Variants in MAGI2 observed in about 807,000 individuals in gnomAD.
MAGI2 encodes the protein membrane associated guanylate kinase, WW and PDZ domain containing 2.
In MAGI2, 35 loss-of-function variants were observed where a neutral mutation model predicts 133.3. The ratio of observed to expected loss-of-function variants is 0.26; its 90% confidence interval spans 0.20 to 0.35. MAGI2 has a LOEUF of 0.35. Among genes scored for constraint, MAGI2 ranks in the 10% least tolerant of loss-of-function variants. The pLI, the probability that MAGI2 is intolerant of heterozygous loss-of-function variation, is 1.00. For synonymous variants in MAGI2, 729 were observed against 710.6 expected (o/e 1.03, Z -0.41); for missense variants, 1,636 against 1,863.4 (o/e 0.88, Z 2.25).
At chr7:78,109,956 G>A (rs35158792) in intron 20 of MAGI2, among the ~76,000 whole-genome samples, 18,866 of 152,098 alleles carry the variant, frequency 0.12, 1,370 homozygotes, top group South Asian at 0.19. Context: ...ACAGACTGAA[G>A]CAAGGTGTAC....
chr7:79,103,657 T>C (rs1392909853), intron 1 of MAGI2, among the ~76,000 whole-genome samples: 3 of 152,094 alleles, frequency 2.0e-5, no homozygotes, highest in African/African-American at 4.8e-5. Context: ...ACCAGGACTT[T>C]CTAGAAAGCT....
chr7:78,281,498 T>C (rs767184395), intron 9 of MAGI2, among the ~76,000 whole-genome samples: 3 of 152,276 alleles, frequency 2.0e-5, no homozygotes, highest in Non-Finnish European at 2.9e-5. Flanking sequence ...CTTCCTCTTA[T>C]CCTTCCACCA....
In MAGI2 at chr7:78,332,902, T is replaced by A. The variant is rs556142534; in HGVS notation, c.1408+10876A>T. On this transcript the variant is annotated intron_variant, in intron 9 of 21. Coordinates refer to ENST00000354212, the MANE Select transcript of MAGI2 (RefSeq NM_012301.4). ...GAGTAAATATATTGATGGGCTAAGT[T>A]TATTTCTTTTCTACTGGAAGATACT... is the stretch of plus-strand genomic sequence containing the variant. Among the ~76,000 whole-genome samples the A allele has an allele frequency of 7.0e-4, 107 of 152,262 alleles. 1 individual carries two copies. The highest frequency in any genetic ancestry group is 2.5e-3 in the African/African-American group (105 of 41,562).
chr7:78,860,353 GGTT>G (rs1220957324), intron 2 of MAGI2, among the ~76,000 whole-genome samples: 1 of 152,118 alleles, frequency 6.6e-6, no homozygotes, highest in East Asian at 1.9e-4. Context: ...TTTCTGCTCT[GGTT>G]TATCCCCATC....
chr7:79,431,143 T>A (rs1323130123), intron 1 of MAGI2, among the ~76,000 whole-genome samples: 1 of 152,174 alleles, frequency 6.6e-6, no homozygotes, highest in Non-Finnish European at 1.5e-5. Context: ...TAATACTAAA[T>A]ATAAGCTCCA....
At chr7:78,497,158 T>G (rs779765812) in intron 5 of MAGI2, among the ~76,000 whole-genome samples, 27 of 152,162 alleles carry the variant, frequency 1.8e-4, no homozygotes, top group Non-Finnish European at 3.7e-4. Context: ...TCAAAGATAA[T>G]GTTAATGAAG....
intron 7 of MAGI2, among the ~76,000 whole-genome samples, chr7:78,354,686 A>G (rs753778076): frequency 6.6e-6 from 1 of 152,216 alleles, no homozygotes; most frequent in African/African-American, 2.4e-5. Flanking sequence ...TTATGACCAC[A>G]TAGAGCAGGA....
intron 10 of MAGI2, among the ~76,000 whole-genome samples, chr7:78,202,437 C>A (rs1344234392): frequency 6.6e-6 from 1 of 152,058 alleles, no homozygotes. Context: ...AATTCCAGCA[C>A]TTTGGGAGGC....
intron 2 of MAGI2, among the ~76,000 whole-genome samples, chr7:78,846,725 A>AT (rs1287275039): frequency 1.3e-5 from 2 of 151,982 alleles, no homozygotes; most frequent in African/African-American, 4.8e-5. Flanking sequence ...TTTAGATATA[A>AT]TTTACAAGAT....
chr7:78,304,099 T>C (rs1292791238), intron 9 of MAGI2, among the ~76,000 whole-genome samples: 4 of 152,182 alleles, frequency 2.6e-5, no homozygotes, highest in Non-Finnish European at 5.9e-5. Flanking sequence ...TTAGCAAATA[T>C]TGTCAATTTT....
intron 1 of MAGI2, among the ~76,000 whole-genome samples, chr7:79,019,708 C>A (rs545012505): frequency 6.6e-6 from 1 of 152,044 alleles, no homozygotes; most frequent in Non-Finnish European, 1.5e-5. Context: ...CTATGCCTGG[C>A]TAATTTTTGT....
chr7:79,058,601 G>C (rs903261470), intron 1 of MAGI2, among the ~76,000 whole-genome samples: 1 of 152,024 alleles, frequency 6.6e-6, no homozygotes, highest in Admixed American at 6.6e-5. Flanking sequence ...ATATATTATA[G>C]TTTTGTTATT....
chr7:79,253,745 A>T (rs1226595734), intron 1 of MAGI2, among the ~76,000 whole-genome samples: 1 of 152,082 alleles, frequency 6.6e-6, no homozygotes, highest in Non-Finnish European at 1.5e-5. Context: ...GTAAAAATTT[A>T]AAAATCCTCT....
intron 9 of MAGI2, among the ~76,000 whole-genome samples, chr7:78,312,120 G>A (rs1355407043): frequency 1.3e-5 from 2 of 152,100 alleles, no homozygotes; most frequent in East Asian, 3.9e-4. Context: ...ATCTAAATAC[G>A]ATTTTACATG....
chr7:78,748,285 T>A (rs993657211), intron 2 of MAGI2, among the ~76,000 whole-genome samples: 2 of 152,196 alleles, frequency 1.3e-5, no homozygotes, highest in African/African-American at 4.8e-5. Flanking sequence ...TTTAGTTTGG[T>A]AATTGGCCAT....
At chr7:79,211,195 A>G (rs1585210363) in intron 1 of MAGI2, among the ~76,000 whole-genome samples, 1 of 152,220 alleles carries the variant, frequency 6.6e-6, no homozygotes, top group Non-Finnish European at 1.5e-5. Flanking sequence ...GAATATATCT[A>G]TATGTATATC....
At chr7:79,330,180 C>CGT (rs1839963495) in intron 1 of MAGI2, among the ~76,000 whole-genome samples, 1 of 59,126 alleles carries the variant, frequency 1.7e-5, no homozygotes, top group Non-Finnish European at 2.8e-5. Context: ...CAATCTGCAT[C>CGT]TTTTTTTTTT....
intron 1 of MAGI2, among the ~76,000 whole-genome samples, chr7:79,318,342 G>T (rs1838903816): frequency 6.6e-6 from 1 of 152,058 alleles, no homozygotes; most frequent in Admixed American, 6.6e-5. Context: ...GGCCAAGTGG[G>T]TTATAATTTA....
intron 2 of MAGI2, among the ~76,000 whole-genome samples, chr7:78,875,027 A>G (rs913129662): frequency 3.3e-5 from 5 of 152,196 alleles, no homozygotes; most frequent in African/African-American, 4.8e-5. Flanking sequence ...GAGTCTAAGT[A>G]TGACAGAACA....
Sources: gnomAD v4.1 joint callset for allele counts (sites outside exome capture counted in the v4.1 genomes callset) on GRCh38, gnomAD v4.1.1 for gene constraint, MANE v1.5 for transcripts, NCBI Gene and HGNC (gene_info 2026-07-23, HGNC 2026-07-21) for gene names.